Variants in TEX36 observed in about 807,000 individuals in gnomAD.
The protein encoded by TEX36 is testis-expressed protein 36.
TEX36 carries 12 observed loss-of-function variants against 13.6 expected under a neutral mutation model. That is an observed-to-expected ratio of 0.88 (90% confidence interval 0.56 to 1.43). The LOEUF (loss-of-function observed/expected upper bound fraction) is 1.43, where lower values mean the gene tolerates loss of function less well. Ranked by LOEUF, TEX36 falls within the 40% of genes most tolerant of loss-of-function variation. TEX36 has a pLI of 0.00. For synonymous variants in TEX36, 93 were observed against 83.0 expected, an observed-to-expected ratio of 1.12 and a Z score of -0.65; for missense variants, 224 against 228.3, an observed-to-expected ratio of 0.98 and a Z score of 0.12.
intron 3 of TEX36, among the ~76,000 whole-genome samples, chr10:125,629,460 C>A (rs1312282707): frequency 1.3e-5 from 2 of 152,002 alleles, no homozygotes; most frequent in East Asian, 3.9e-4. Flanking sequence ...TTCAAAATCA[C>A]ATATTACTTT....
At chr10:125,636,388 A>T (rs866648156) in intron 3 of TEX36, among the ~76,000 whole-genome samples, 174 of 140,500 alleles carry the variant, frequency 1.2e-3, no homozygotes, top group African/African-American at 4.8e-3. Flanking sequence ...TTTTTTTTAT[A>T]TATTTTTAGT....
chr10:125,627,989 G>C (rs1298360973), intron 3 of TEX36, among the ~76,000 whole-genome samples: 1 of 152,206 alleles, frequency 6.6e-6, no homozygotes, highest in African/African-American at 2.4e-5. Flanking sequence ...TAAGACCAGA[G>C]TCACAATTTA....
chr10:125,580,297 G>A (rs1845868240), intron 3 of TEX36, among the ~76,000 whole-genome samples: 1 of 152,220 alleles, frequency 6.6e-6, no homozygotes, highest in Admixed American at 6.5e-5. Context: ...TAACTAAAAT[G>A]TCAAGTGCCC....
At position 125,655,796 on chromosome 10, in the gene TEX36, T is replaced by C; in HGVS notation, c.*104A>G. 1 of 1,356,004 alleles carries C rather than the reference T, an allele frequency of 7.4e-7. No homozygotes were observed. Among genetic ancestry groups the C allele is most frequent in the Non-Finnish European group, 9.5e-7 (1 of 1,051,528 alleles). 84.0% of individuals were successfully genotyped at this position (1,356,004 alleles called of 1,614,324 possible). Reference sequence around the variant, plus strand: ...TTTGACCTTATAAAAATCATAAAAGTACTTTAAAAATTAAATAGTGGTGCT... The same window carrying C: ...TTTGACCTTATAAAAATCATAAAAGCACTTTAAAAATTAAATAGTGGTGCT... On this transcript the variant is annotated 3_prime_UTR_variant, in exon 4 of 4. Coordinates refer to ENST00000368821, the MANE Select transcript of TEX36 (RefSeq NM_001128202.3).
At chr10:125,625,953 C>T (rs1395604954) in intron 3 of TEX36, among the ~76,000 whole-genome samples, 7 of 152,336 alleles carry the variant, frequency 4.6e-5, no homozygotes, top group East Asian at 3.9e-4. Context: ...CCGCCCAGAC[C>T]GCCCCCTGCC....
chr10:125,645,485 T>A lies in TEX36; in HGVS notation c.264+15536A>T, dbSNP rs556482751. ...CTATCCTATTCACCCTGGGGACTCT[T>A]CAGAGAGTCCTCACTAGCAAGAAGG... On this transcript the variant is annotated intron_variant, in intron 3 of 3. Coordinates refer to the TEX36 transcript ENST00000526819. 1.3e-4 allele frequency among the ~76,000 whole-genome samples: 20 copies of A among 152,278 alleles called. 1 individual carries two copies. In the South Asian group the frequency reaches 4.2e-3, roughly 32 times the overall value.
chr10:125,592,448 G>A (rs1406352388), intron 3 of TEX36, among the ~76,000 whole-genome samples: 1 of 151,954 alleles, frequency 6.6e-6, no homozygotes, highest in Non-Finnish European at 1.5e-5. Context: ...ATTTTATGTT[G>A]AGATTTCTGT....
At chr10:125,604,258 C>G (rs1303361621) in intron 3 of TEX36, among the ~76,000 whole-genome samples, 1 of 152,206 alleles carries the variant, frequency 6.6e-6, no homozygotes, top group South Asian at 2.1e-4. Context: ...ACAGCCCCTC[C>G]CCATCACTTG....
At chr10:125,679,465 T>C (rs1033214093) in intron 1 of TEX36, among the ~76,000 whole-genome samples, 3 of 152,182 alleles carry the variant, frequency 2.0e-5, no homozygotes, top group Non-Finnish European at 2.9e-5. Flanking sequence ...CCTTCCTCCC[T>C]AGAGGAGTTC....
intron 1 of TEX36, among the ~76,000 whole-genome samples, chr10:125,682,493 A>G (rs191739518): frequency 6.6e-6 from 1 of 152,344 alleles, no homozygotes; most frequent in Admixed American, 6.5e-5. Context: ...TTACTTCAAC[A>G]CATATGTATT....
intron 1 of TEX36, among the ~76,000 whole-genome samples, chr10:125,676,083 A>G (rs561131149): frequency 2.2e-4 from 34 of 152,338 alleles, no homozygotes; most frequent in Admixed American, 1.9e-3. Flanking sequence ...AAGAATGTAT[A>G]TTCTCCAGTT....
chr10:125,610,999 T>C (rs72841549), intron 3 of TEX36, among the ~76,000 whole-genome samples: 7,548 of 152,344 alleles, frequency 0.05, 289 homozygotes, highest in Middle Eastern at 0.12. Flanking sequence ...CTGGCCTCCC[T>C]ATGAATTTTT....
chr10:125,587,793 A>G lies in TEX36; in HGVS notation c.265-10919T>C, dbSNP rs992884501. Among the ~76,000 whole-genome samples, 162 of 145,714 alleles carry G rather than the reference A, an allele frequency of 1.1e-3. 2 individuals are homozygous for G. The East Asian group carries it at 0.028, about 25-fold the overall frequency. ...GAAGCTCTGTCTCAAAATTAAAAAA[A>G]AAAAAAAAAAAAAAAGACACTTTAT... On this transcript the variant is annotated intron_variant, in intron 3 of 3. Transcript: ENST00000532135.
intron 3 of TEX36, among the ~76,000 whole-genome samples, chr10:125,584,691 C>T (rs1306799843): frequency 6.6e-6 from 1 of 152,182 alleles, no homozygotes; most frequent in Admixed American, 6.5e-5. Context: ...CTCTCCTCCT[C>T]CTCTCATGTG....
intron 1 of TEX36, among the ~76,000 whole-genome samples, chr10:125,679,285 G>C (rs1457346550): frequency 6.6e-6 from 1 of 152,124 alleles, no homozygotes; most frequent in Non-Finnish European, 1.5e-5. Context: ...CCTCAACTGT[G>C]GAAGTGCTCT....
intron 3 of TEX36, among the ~76,000 whole-genome samples, chr10:125,630,265 G>T (rs1015736490): frequency 6.6e-6 from 1 of 152,130 alleles, no homozygotes; most frequent in Admixed American, 6.5e-5. Flanking sequence ...TCCATTCTCC[G>T]AGTCAGGAAT....
intron 3 of TEX36, among the ~76,000 whole-genome samples, chr10:125,622,859 G>T (rs968398846): frequency 5.9e-5 from 9 of 152,236 alleles, no homozygotes; most frequent in Admixed American, 5.9e-4. Flanking sequence ...GAGGAGCCCA[G>T]AGTGGCCAGG....
chr10:125,639,476 T>TA (rs11374821), intron 3 of TEX36, among the ~76,000 whole-genome samples: 22,755 of 150,980 alleles, frequency 0.15, 2,242 homozygotes, highest in East Asian at 0.41. Context: ...AGGGCTGTGA[T>TA]AAAAAAAAAT....
At chr10:125,673,679 C>T (rs1027785663) in intron 1 of TEX36, among the ~76,000 whole-genome samples, 98 of 143,688 alleles carry the variant, frequency 6.8e-4, no homozygotes, top group Non-Finnish European at 1.1e-3. Context: ...TATTGCACTC[C>T]AGCCTGGGCG....
Sources: gnomAD v4.1 joint callset for allele counts (sites outside exome capture counted in the v4.1 genomes callset) on GRCh38, gnomAD v4.1.1 for gene constraint, MANE v1.5 for transcripts, NCBI Gene and HGNC (gene_info 2026-07-23, HGNC 2026-07-21) for gene names.